The following NF1 variants were observed in gnomAD, a reference collection of about 807,000 sequenced individuals.
NF1 encodes neurofibromin.
A neutral mutation model predicts 325.7 loss-of-function variants in NF1; 122 were observed. The ratio of observed to expected loss-of-function variants is 0.37; its 90% CI spans 0.32 to 0.44. NF1 has a LOEUF of 0.44. Ranked by LOEUF, NF1 falls within the 20% of genes least tolerant of loss-of-function variation. The pLI is 1.00. For synonymous variants in NF1, 1,091 were observed against 1,186.0 expected, an observed-to-expected ratio of 0.92 and a Z score of 1.65; for missense variants, 2,140 against 3,415.4, an observed-to-expected ratio of 0.63 and a Z score of 9.31.
At position 31,259,631 on chromosome 17, in the gene NF1, G is replaced by T. The variant is rs138433010; in HGVS notation, c.4430+502G>T. Reference sequence around the variant, plus strand: ...CTTTATGATTTTAGAAAACTTTTCTGCTAGATTTCTATAACTAGTTATTTC... The same window carrying T: ...CTTTATGATTTTAGAAAACTTTTCTTCTAGATTTCTATAACTAGTTATTTC... On this transcript the variant is annotated intron_variant, in intron 33 of 57. Transcript: ENST00000358273. Among the ~76,000 whole-genome samples the T allele has an allele frequency of 9.2e-5, 14 of 152,208 alleles. 2 individuals are homozygous for T. Among genetic ancestry groups the T allele is most frequent in the African/African-American group, 3.4e-4 (14 of 41,550 alleles).
At chr17:31,167,332 T>A (rs903813301) in intron 4 of NF1, among the ~76,000 whole-genome samples, 9 of 152,204 alleles carry the variant, frequency 5.9e-5, no homozygotes, top group African/African-American at 2.2e-4. Context: ...AGAGAGTTCA[T>A]GTAAGTGCTT....
chr17:31,221,089 G>C (rs1304660064), intron 14 of NF1, among the ~76,000 whole-genome samples: 2 of 152,096 alleles, frequency 1.3e-5, no homozygotes, highest in African/African-American at 4.8e-5. Flanking sequence ...TTTCTGCTGG[G>C]TTGGGGGTGG....
intron 12 of NF1, among the ~76,000 whole-genome samples, chr17:31,206,578 T>G (rs1232695793): frequency 1.3e-5 from 2 of 152,196 alleles, no homozygotes; most frequent in African/African-American, 4.8e-5. Context: ...AACTTAACTT[T>G]TCTTAGATAA....
rs2285895 is a variant in NF1 at position 31,359,006 on chromosome 17, G to A, written c.8151G>A (p.Pro2717=). 1,355 of 1,613,492 alleles carry A rather than the reference G, an allele frequency of 8.4e-4. 22 individuals carry two copies. In the East Asian group the frequency reaches 0.024, roughly 28 times the overall value. ...GFNGLWRFAG[P]FSKQTQIPDY... ...ATGGCTTGTGGCGGTTTGCAGGACC[G>A]TTTTCAAAGGTAAGAAAATATATTT... The change falls in exon 56 of 58, where the codon CCG becomes CCA. Residue 2717 remains proline (P), a synonymous_variant. Coordinates refer to ENST00000358273, the MANE Select transcript of NF1 (RefSeq NM_001042492.3).
intron 51 of NF1, among the ~76,000 whole-genome samples, chr17:31,355,047 C>T (rs1476349065): frequency 1.3e-5 from 2 of 152,128 alleles, no homozygotes; most frequent in Non-Finnish European, 2.9e-5. Context: ...TTCAAGACAT[C>T]TATGAGTATA....
At chr17:31,344,941 G>A (rs1431634092) in intron 48 of NF1, among the ~76,000 whole-genome samples, 3 of 152,106 alleles carry the variant, frequency 2.0e-5, no homozygotes, top group Non-Finnish European at 4.4e-5. Flanking sequence ...TGGCCAACAC[G>A]GTGAAACCCC....
chr17:31,357,810 T>A (rs2070310140), intron 54 of NF1: 1 of 184,080 alleles, frequency 5.4e-6, no homozygotes, highest in Non-Finnish European at 1.1e-5. Flanking sequence ...AGTGTTCAAA[T>A]TTAAATAGTT....
intron 1 of NF1, among the ~76,000 whole-genome samples, chr17:31,150,756 G>T (rs909236787): frequency 6.6e-6 from 1 of 152,028 alleles, no homozygotes; most frequent in Non-Finnish European, 1.5e-5. Flanking sequence ...CTCCGGCTGG[G>T]CACGGTGGCT....
Position 31,223,602 on chromosome 17 carries a change from T to C in NF1, c.1845+35T>C, listed in dbSNP as rs747162201. 1.9e-6 allele frequency: 3 copies of C among 1,594,400 alleles called. No homozygotes were observed. The South Asian group carries it at 3.3e-5, about 18-fold the overall frequency. On this transcript the variant is annotated intron_variant, in intron 16 of 57. Transcript: ENST00000358273. Reference sequence around the variant, plus strand: ...ATGACATATTTAAAAAATGGAAGAATATTTGGAATGGTAATGGTGAGAGAT... The same window carrying C: ...ATGACATATTTAAAAAATGGAAGAACATTTGGAATGGTAATGGTGAGAGAT...
intron 1 of NF1, among the ~76,000 whole-genome samples, chr17:31,114,872 A>G (rs1913763688): frequency 6.6e-6 from 1 of 152,174 alleles, no homozygotes; most frequent in South Asian, 2.1e-4. Context: ...AAAAAAAAGA[A>G]TACAAATCTT....
rs1234943379 is a variant in NF1, at chr17:31,329,965, A to G, written c.5610-331A>G. Among the ~76,000 whole-genome samples, 6 of 152,256 alleles carry G rather than the reference A, an allele frequency of 3.9e-5. No homozygotes were observed. In the East Asian group the frequency reaches 7.7e-4, roughly 20 times the overall value. On this transcript the variant is annotated intron_variant, in intron 38 of 57. Coordinates refer to ENST00000358273, the MANE Select transcript of NF1 (RefSeq NM_001042492.3). ...TGTGCCTTATTCTGACTTAATTTCT[A>G]TTGATCCACATTAGGACCATAAGTC...
At chr17:31,365,113 C>G (rs899849832) in intron 57 of NF1, among the ~76,000 whole-genome samples, 1 of 151,630 alleles carries the variant, frequency 6.6e-6, no homozygotes, top group African/African-American at 2.4e-5. Flanking sequence ...TGACGAAATC[C>G]CATCTCTACA....
At position 31,125,757 on chromosome 17, in the gene NF1, A is replaced by G. The variant is rs986663411; in HGVS notation, c.61-30226A>G. ...CGCCATGTTAGCCAGGCTGGTCTCG[A>G]ACTCCTGACCTCAAGTGATCTGTCC... On this transcript the variant is annotated intron_variant, in intron 1 of 57. Transcript: ENST00000358273. 1.5e-4 allele frequency among the ~76,000 whole-genome samples: 23 copies of G among 152,104 alleles called. No homozygotes were observed. In the East Asian group the frequency reaches 3.7e-3, roughly 24 times the overall value.
rs1162173842 is a variant in NF1, at chr17:31,206,309, G to C, written c.1330G>C (p.Gly444Arg). The change falls in exon 12 of 58, where the codon GGT (glycine) becomes CGT (arginine). Residue 444 changes from glycine (G) to arginine (R), a missense_variant. By Grantham distance (125) the Gly-to-Arg change is moderately radical (BLOSUM62 -2). Around this residue, in one of 10 missense-constraint regions of NF1, gnomAD observed 179 missense variants for 381.0 expected, o/e 0.47. Coordinates refer to ENST00000358273, the MANE Select transcript of NF1 (RefSeq NM_001042492.3). ...CHSVELRNMFGETLHKAVQGC... is the reference protein window; with the variant it reads ...CHSVELRNMFRETLHKAVQGC... ...CTCGGTTGAACTTCGAAATATGTTT[G>C]GTGAAACACTTCATAAAGCAGTGCA... 1.9e-6 allele frequency: 3 copies of C among 1,613,820 alleles called. No homozygotes were observed. Among genetic ancestry groups the C allele is most frequent in the Non-Finnish European group, 2.5e-6 (3 of 1,179,794 alleles).
intron 4 of NF1, among the ~76,000 whole-genome samples, chr17:31,168,899 T>A (rs913879433): frequency 6.6e-6 from 1 of 152,214 alleles, no homozygotes; most frequent in Non-Finnish European, 1.5e-5. Flanking sequence ...TTCTTTATTT[T>A]AAAATTGTGA....
chr17:31,230,768 C>T, intron 23 of NF1, 74 bp from the exon 24 acceptor site: 1 of 1,151,084 alleles, frequency 8.7e-7, no homozygotes, highest in East Asian at 2.5e-5. Context: ...TATAAGAAAT[C>T]TTACGTGACT....
At chr17:31,279,566 A>G (rs1256460882) in intron 36 of NF1, among the ~76,000 whole-genome samples, 1 of 151,996 alleles carries the variant, frequency 6.6e-6, no homozygotes, top group South Asian at 2.1e-4. Context: ...AGTCTGGGCA[A>G]CAAAGGAGAA....
In NF1 at chr17:31,263,120, T is replaced by TAGATAAGATA. The variant is rs71142039; in HGVS notation, c.4724+1279_4724+1288dup. Among the ~76,000 whole-genome samples the TAGATAAGATA allele has an allele frequency of 4.2e-3, 399 of 95,766 alleles. 4 individuals are homozygous for TAGATAAGATA. Among genetic ancestry groups the TAGATAAGATA allele is most frequent in the African/African-American group, 0.01 (372 of 36,686 alleles). The allele number at this position is 95,766 out of a possible 152,430, so 62.8% of individuals were successfully genotyped here. On this transcript the variant is annotated intron_variant, in intron 35 of 57. Transcript: ENST00000358273. ...GTAGGTAGGTAGGTAGATAGATAGATAGATAAGATAAGATAAGATAAGATA... is the reference window on the plus strand; with the variant it reads ...GTAGGTAGGTAGGTAGATAGATAGATAGATAAGATAAGATAAGATAAGATAAGATAAGATA...
chr17:31,314,022 A>T (rs1193093352), intron 36 of NF1: 3 of 398,164 alleles, frequency 7.5e-6, no homozygotes, highest in South Asian at 1.3e-4. Flanking sequence ...TTCTTGTTCT[A>T]ACTGGACATT....
Sources: allele counts gnomAD v4.1 joint callset (sites outside exome capture counted in the v4.1 genomes callset), GRCh38; gene constraint gnomAD v4.1.1; regional missense constraint gnomAD v4.1.1; transcripts MANE v1.5; gene names NCBI Gene and HGNC (gene_info 2026-07-23, HGNC 2026-07-21).